Variants in ENTREP2 observed in about 807,000 individuals in gnomAD.
ENTREP2 encodes the protein protein ENTREP2.
At chr15:29,657,183 G>A in the ENTREP2 span, among the ~76,000 whole-genome samples, 1 of 151,296 alleles carries the variant, frequency 6.6e-6, no homozygotes, top group Non-Finnish European at 1.5e-5. Flanking sequence ...GAGCAGCTGG[G>A]ACTACACGCG....
At chr15:29,170,745 C>T in the ENTREP2 span, among the ~76,000 whole-genome samples, 8 of 152,344 alleles carry the variant, frequency 5.3e-5, no homozygotes, top group Non-Finnish European at 7.3e-5. Flanking sequence ...TGCCAGAACT[C>T]GACCATGCTG....
chr15:29,351,051 G>T, the ENTREP2 span, among the ~76,000 whole-genome samples: 1 of 152,202 alleles, frequency 6.6e-6, no homozygotes, highest in Non-Finnish European at 1.5e-5. Context: ...TACAATCTGA[G>T]AAATGTGTCA....
At chr15:29,215,082 T>C in the ENTREP2 span, among the ~76,000 whole-genome samples, 1 of 152,194 alleles carries the variant, frequency 6.6e-6, no homozygotes, top group Non-Finnish European at 1.5e-5. Context: ...TCTCATTTCT[T>C]TGGTCTGTTA....
the ENTREP2 span, among the ~76,000 whole-genome samples, chr15:29,326,157 A>C: frequency 0.018 from 2,721 of 152,266 alleles, 23 homozygotes; most frequent in Middle Eastern, 0.051. Context: ...ACTTTCCCCC[A>C]AAAAAGAACA....
At chr15:29,247,490 T>C in the ENTREP2 span, among the ~76,000 whole-genome samples, 327 of 152,272 alleles carry the variant, frequency 2.1e-3, 2 homozygotes, top group African/African-American at 7.3e-3. Context: ...AAATAGATTA[T>C]AAAGTCAAGG....
chr15:29,642,232 T>A, the ENTREP2 span, among the ~76,000 whole-genome samples: 1 of 152,088 alleles, frequency 6.6e-6, no homozygotes, highest in Non-Finnish European at 1.5e-5. Flanking sequence ...CCCAATTTCA[T>A]AACTTAATGC....
chr15:29,196,057 A>G, the ENTREP2 span, among the ~76,000 whole-genome samples: 9 of 152,152 alleles, frequency 5.9e-5, no homozygotes, highest in Non-Finnish European at 1.3e-4. Context: ...TTTTTCCTCC[A>G]AATATCTTTT....
the ENTREP2 span, among the ~76,000 whole-genome samples, chr15:29,390,149 C>G: frequency 6.6e-6 from 1 of 152,200 alleles, no homozygotes; most frequent in African/African-American, 2.4e-5. Context: ...AGCCTCTGCT[C>G]TGAAACCATC....
At chr15:29,293,792 C>A in the ENTREP2 span, among the ~76,000 whole-genome samples, 3 of 152,224 alleles carry the variant, frequency 2.0e-5, no homozygotes, top group Non-Finnish European at 4.4e-5. Flanking sequence ...GTGGGGTCCA[C>A]ACCCTCCACC....
the ENTREP2 span, among the ~76,000 whole-genome samples, chr15:29,368,678 C>A: frequency 6.6e-6 from 1 of 151,864 alleles, no homozygotes; most frequent in Non-Finnish European, 1.5e-5. Context: ...TTGAGACCAG[C>A]CTGGGCAACA....
chr15:29,174,462 GCA>G, the ENTREP2 span, among the ~76,000 whole-genome samples: 1 of 152,182 alleles, frequency 6.6e-6, no homozygotes, highest in Non-Finnish European at 1.5e-5. Flanking sequence ...GCCGAGGCGG[GCA>G]GATCATGAGA....
chr15:29,570,435 G>T, the ENTREP2 span: 1 of 1,054,722 alleles, frequency 9.5e-7, no homozygotes. Context: ...CGTCCCGGCG[G>T]CCGCAGCGCC....
the ENTREP2 span, among the ~76,000 whole-genome samples, chr15:29,480,826 G>C: frequency 2.4e-3 from 359 of 152,264 alleles, 1 homozygote; most frequent in Non-Finnish European, 3.4e-3. Flanking sequence ...GCTGCAGTTG[G>C]GGGGTGAGAG....
chr15:29,309,862 T>G, the ENTREP2 span, among the ~76,000 whole-genome samples: 2 of 151,606 alleles, frequency 1.3e-5, no homozygotes, highest in Admixed American at 1.3e-4. Context: ...CAATAACATA[T>G]GTCATGCCTG....
At chr15:29,508,219 T>C in the ENTREP2 span, among the ~76,000 whole-genome samples, 1 of 152,172 alleles carries the variant, frequency 6.6e-6, no homozygotes. Context: ...AATCCCTGAA[T>C]AGACCAATAA....
the ENTREP2 span, chr15:29,196,420 G>A: frequency 1.1e-5 from 17 of 1,549,764 alleles, no homozygotes; most frequent in Non-Finnish European, 1.5e-5. Flanking sequence ...GCAGCGCCCA[G>A]CGGGGTCACC....
At chr15:29,371,357 C>T in the ENTREP2 span, among the ~76,000 whole-genome samples, 1 of 149,576 alleles carries the variant, frequency 6.7e-6, no homozygotes, top group South Asian at 2.1e-4. Flanking sequence ...CAAACACACA[C>T]ACACACACAC....
the ENTREP2 span, chr15:29,268,677 A>G: frequency 9.7e-7 from 1 of 1,031,158 alleles, no homozygotes; most frequent in Non-Finnish European, 1.4e-6. Context: ...AGCTACACAC[A>G]TTGAAGCGTT....
chr15:29,668,658 G>A, the ENTREP2 span, among the ~76,000 whole-genome samples: 3 of 152,114 alleles, frequency 2.0e-5, no homozygotes, highest in Non-Finnish European at 4.4e-5. Context: ...CTGATGCCCC[G>A]AATTTGATGC....
Sources: allele counts gnomAD v4.1 joint callset (sites outside exome capture counted in the v4.1 genomes callset), GRCh38; gene constraint gnomAD v4.1.1; transcripts MANE v1.5; gene names NCBI Gene and HGNC (gene_info 2026-07-23, HGNC 2026-07-21).